Variants in L3MBTL3 observed in about 807,000 individuals in gnomAD.
L3MBTL3 encodes lethal(3)malignant brain tumor-like protein 3.
In L3MBTL3, 27 loss-of-function variants were observed where a neutral mutation model predicts 102.3. The ratio of observed to expected loss-of-function variants is 0.26; its 90% CI spans 0.19 to 0.36. L3MBTL3 has a LOEUF of 0.36. L3MBTL3 is among the 10% of genes least tolerant of loss of function. The probability of loss-of-function intolerance (pLI) is 1.00; values close to 1 mark genes in which losing one functional copy is unlikely to be tolerated. For synonymous variants in L3MBTL3, 340 were observed against 320.9 expected (o/e 1.06, Z -0.64); for missense variants, 798 against 955.3 (o/e 0.84, Z 2.17).
chr6:130,070,912 G>A (rs1782598047), intron 12 of L3MBTL3, 64 bp from the exon 13 acceptor site: 1 of 1,308,456 alleles, frequency 7.6e-7, no homozygotes, highest in Non-Finnish European at 1.1e-6. Context: ...GGTGCAGAGA[G>A]TGTGCAGTTC....
At chr6:130,032,820 C>T (rs1018655047) in intron 2 of L3MBTL3, among the ~76,000 whole-genome samples, 5 of 152,128 alleles carry the variant, frequency 3.3e-5, no homozygotes, top group Non-Finnish European at 7.4e-5. Context: ...GTGAGACCCC[C>T]ATCTCTACAA....
chr6:130,018,818 G>A (rs1461711961), intron 1 of L3MBTL3, among the ~76,000 whole-genome samples, 154 bp downstream of exon 1: 1 of 152,136 alleles, frequency 6.6e-6, no homozygotes, highest in Non-Finnish European at 1.5e-5. Flanking sequence ...TCAGGGGAGG[G>A]GAGGGACAGA....
intron 22 of L3MBTL3, among the ~76,000 whole-genome samples, chr6:130,134,743 A>G (rs967692185): frequency 7.2e-5 from 11 of 152,220 alleles, no homozygotes; most frequent in South Asian, 2.1e-4. Context: ...AGTTACACGC[A>G]TACACAACTT....
At chr6:130,110,848 T>C (rs545270568) in intron 19 of L3MBTL3, among the ~76,000 whole-genome samples, 49 of 152,332 alleles carry the variant, frequency 3.2e-4, no homozygotes, top group Admixed American at 5.9e-4. Flanking sequence ...ATAGCTCTTA[T>C]TATTTTGAGA....
At chr6:130,122,288 G>A (rs1290287603) in intron 20 of L3MBTL3, among the ~76,000 whole-genome samples, 2 of 152,168 alleles carry the variant, frequency 1.3e-5, no homozygotes, top group African/African-American at 4.8e-5. Context: ...TTCCATATCT[G>A]ATTTTCATAA....
In L3MBTL3 at chr6:130,107,151, CTT is replaced by C. The variant is rs773879739; in HGVS notation, c.1886+2580_1886+2581del. On this transcript the variant is annotated intron_variant, in intron 19 of 22. Transcript: ENST00000361794. ...TACCTCTCCCTAGACACCCTGGAGTCTTTTTCTTAAGGGTTCAGAGGTGAGTG... is the reference window on the plus strand; with the variant it reads ...TACCTCTCCCTAGACACCCTGGAGTCTTTCTTAAGGGTTCAGAGGTGAGTG... Among the ~76,000 whole-genome samples, 4 of 152,084 alleles carry C rather than the reference CTT, an allele frequency of 2.6e-5. No individual in the cohort carries two copies. In the East Asian group the frequency reaches 7.7e-4, roughly 29 times the overall value.
intron 13 of L3MBTL3, 88 bp downstream of exon 13, chr6:130,071,215 C>CA (rs548344440): frequency 1.3e-4 from 156 of 1,157,938 alleles, no homozygotes; most frequent in South Asian, 9.4e-4. Context: ...ACGCTTATAA[C>CA]AAAAAAAAGC....
At chr6:130,092,132 A>AT (rs1784089795) in intron 16 of L3MBTL3, among the ~76,000 whole-genome samples, 2 of 152,186 alleles carry the variant, frequency 1.3e-5, no homozygotes, top group Admixed American at 1.3e-4. Context: ...ATGTATACCC[A>AT]TAATAATTAA....
chr6:130,035,237 C>G (rs1295722333), intron 2 of L3MBTL3, among the ~76,000 whole-genome samples: 1 of 152,182 alleles, frequency 6.6e-6, no homozygotes, highest in Non-Finnish European at 1.5e-5. Context: ...GAGTGGTCTG[C>G]TTCCTCATAG....
Position 130,049,757 on chromosome 6 carries a change from C to A in L3MBTL3, c.216C>A (p.Ala72=). 1 of 1,614,058 alleles carries A rather than the reference C, an allele frequency of 6.2e-7. No individual in the cohort carries two copies. The highest frequency in any genetic ancestry group is 8.5e-7 in the Non-Finnish European group (1 of 1,179,972). The change falls in exon 5 of 23, where the codon GCC becomes GCA. Residue 72 remains alanine, a splice_region_variant and synonymous_variant. Coordinates refer to ENST00000361794, the MANE Select transcript of L3MBTL3 (RefSeq NM_032438.4). ...TTWMVPTAQE[A]PTSPPSSRPV... is the part of the protein sequence containing the mutation. ...TGACTCCTAAATCTACATCTCCAGC[C>A]CCGACCTCTCCCCCGAGCTCCAGGC...
In L3MBTL3 at chr6:130,094,321, A is replaced by G; in HGVS notation, c.1690A>G (p.Lys564Glu). The change falls in exon 18 of 23, where the codon AAA becomes GAA. Residue 564 changes from lysine to glutamate, a missense_variant. Physicochemically the swap from Lys to Glu is moderately conservative, Grantham distance 56. Transcript: ENST00000361794. Reference protein sequence around the residue: ...EHGGCSTPGCKGIGHFKRARH... With the variant: ...EHGGCSTPGCEGIGHFKRARH... The stretch of plus-strand genomic sequence containing the variant: ...TGGTGGATGCTCAACCCCGGGATGT[A>G]AAGGGATTGGCCATTTCAAGAGAGC... 9 of 1,613,860 alleles carry G rather than the reference A, an allele frequency of 5.6e-6. No individual in the cohort carries two copies. The highest frequency in any genetic ancestry group is 7.6e-6 in the Non-Finnish European group (9 of 1,179,832).
chr6:130,118,762 T>C (rs1375501967), intron 19 of L3MBTL3, among the ~76,000 whole-genome samples: 2 of 152,220 alleles, frequency 1.3e-5, no homozygotes, highest in Non-Finnish European at 2.9e-5. Context: ...AACATGCTTC[T>C]ATAATGAAGC....
chr6:130,125,438 C>T (rs1786532843), intron 20 of L3MBTL3, among the ~76,000 whole-genome samples: 1 of 152,174 alleles, frequency 6.6e-6, no homozygotes, highest in Non-Finnish European at 1.5e-5. Context: ...TAACTCAGTG[C>T]TCTTCTTCTG....
intron 22 of L3MBTL3, among the ~76,000 whole-genome samples, chr6:130,139,102 A>G (rs907076263): frequency 1.3e-5 from 2 of 150,184 alleles, no homozygotes; most frequent in Non-Finnish European, 2.9e-5. Context: ...GTAAAGACTT[A>G]ACTGTGGCCA....
At chr6:130,055,691 CCT>C (rs1253188167) in intron 8 of L3MBTL3, among the ~76,000 whole-genome samples, 5 of 127,374 alleles carry the variant, frequency 3.9e-5, no homozygotes, top group African/African-American at 1.4e-4. Context: ...TCCCTCTCTC[CCT>C]CTCTCTTTCT....
chr6:130,067,853 C>A (rs901988210), intron 11 of L3MBTL3, among the ~76,000 whole-genome samples: 15 of 152,208 alleles, frequency 9.9e-5, no homozygotes, highest in Admixed American at 2.0e-4. Flanking sequence ...ATCCTTACTT[C>A]ATAAACCTTA....
In L3MBTL3 at chr6:130,074,171, T is replaced by A. The variant is rs146114507; in HGVS notation, c.1244+3044T>A. Among the ~76,000 whole-genome samples, 13 of 152,350 alleles carry A rather than the reference T, an allele frequency of 8.5e-5. No homozygotes were observed. In the East Asian group the frequency reaches 2.5e-3, roughly 29 times the overall value. On this transcript the variant is annotated intron_variant, in intron 13 of 22. Coordinates refer to ENST00000361794, the MANE Select transcript of L3MBTL3 (RefSeq NM_032438.4). The stretch of plus-strand genomic sequence containing the variant: ...TTTTTTGCTTTGATTTGAATAGTAA[T>A]TCTTTATCTCTTTTTTACATTAGTG...
chr6:130,112,284 T>C (rs1785401070), intron 19 of L3MBTL3, among the ~76,000 whole-genome samples: 1 of 152,192 alleles, frequency 6.6e-6, no homozygotes, highest in Admixed American at 6.5e-5. Context: ...GCACACTCCC[T>C]TGCGTGCAGT....
At position 130,141,397 on chromosome 6, in the gene L3MBTL3, A is replaced by G. The variant is rs118075462; in HGVS notation, c.*1644A>G. 1 of 152,334 alleles carries G rather than the reference A, an allele frequency of 6.6e-6. No individual in the cohort carries two copies. The highest frequency in any genetic ancestry group is 1.5e-5 in the Non-Finnish European group (1 of 68,018). The allele number at this position is 152,334 out of a possible 1,614,324, so 9.4% of individuals were successfully genotyped here. A position where few individuals can be genotyped will look rare whatever the true frequency, so the allele number is the denominator to read the frequency against. On this transcript the variant is annotated 3_prime_UTR_variant, in exon 23 of 23. Transcript: ENST00000361794. The stretch of plus-strand genomic sequence containing the variant: ...TTCAGAATTTGTACATTCAAGTTGT[A>G]CTTGTTATATCTGACATGAATGAAA...
Sources: gnomAD v4.1 joint callset for allele counts (sites outside exome capture counted in the v4.1 genomes callset) on GRCh38, gnomAD v4.1.1 for gene constraint, MANE v1.5 for transcripts, NCBI Gene and HGNC (gene_info 2026-07-23, HGNC 2026-07-21) for gene names.